EXOC4: variants seen among roughly 807,000 people sequenced by gnomAD.
EXOC4 encodes the protein exocyst complex component 4.
In EXOC4, 71 loss-of-function variants were observed where a neutral mutation model predicts 107.2. The ratio of observed to expected loss-of-function variants is 0.66; its 90% CI spans 0.55 to 0.81. EXOC4 has a LOEUF of 0.81. Among genes scored for constraint, EXOC4 ranks in the 30% least tolerant of loss-of-function variants. The probability of loss-of-function intolerance (pLI) is 0.00; values close to 1 mark genes in which losing one functional copy is unlikely to be tolerated. For synonymous variants in EXOC4, 456 were observed against 441.2 expected (o/e 1.03, Z -0.42); for missense variants, 1,108 against 1,189.6 (o/e 0.93, Z 1.01).
At chr7:133,887,002 T>G (rs538311634) in intron 11 of EXOC4, among the ~76,000 whole-genome samples, 28 of 152,310 alleles carry the variant, frequency 1.8e-4, no homozygotes, top group Non-Finnish European at 2.9e-4. Flanking sequence ...ACTGAATAGC[T>G]GGAAAATTGT....
At chr7:133,336,501 G>A (rs1584825414) in intron 5 of EXOC4, among the ~76,000 whole-genome samples, 2 of 152,230 alleles carry the variant, frequency 1.3e-5, no homozygotes, top group East Asian at 3.9e-4. Context: ...CTTCCCAACA[G>A]AATGTGTTTT....
chr7:133,938,096 G>T, intron 14 of EXOC4, 27 bp downstream of exon 14: 1 of 1,612,080 alleles, frequency 6.2e-7, no homozygotes, highest in Non-Finnish European at 8.5e-7. Flanking sequence ...AAGCTGTTGT[G>T]GGGACAGTTG....
At chr7:134,082,536 G>A in the EXOC4 span, among the ~76,000 whole-genome samples, 1 of 152,198 alleles carries the variant, frequency 6.6e-6, no homozygotes, top group Non-Finnish European at 1.5e-5. Flanking sequence ...CACCTCCCAG[G>A]TTCAAGCAAT....
chr7:133,415,362 C>A (rs912721315), intron 7 of EXOC4, among the ~76,000 whole-genome samples: 1 of 146,958 alleles, frequency 6.8e-6, no homozygotes, highest in Admixed American at 6.8e-5. Flanking sequence ...AAAGTGGCTG[C>A]ATGCTTTTAC....
chr7:133,646,722 C>A (rs1795083770), intron 10 of EXOC4, among the ~76,000 whole-genome samples: 1 of 152,090 alleles, frequency 6.6e-6, no homozygotes, highest in Non-Finnish European at 1.5e-5. Flanking sequence ...TTAGCAACAC[C>A]AGGCCTGGAG....
intron 10 of EXOC4, among the ~76,000 whole-genome samples, chr7:133,645,086 C>CTTTTTT (rs35058872): frequency 1.1e-4 from 14 of 123,970 alleles, no homozygotes; most frequent in African/African-American, 1.6e-4. Flanking sequence ...CTTCTGCCAC[C>CTTTTTT]TTTTTTTTTT....
chr7:133,780,650 C>T (rs1239735520), intron 10 of EXOC4, among the ~76,000 whole-genome samples: 1 of 152,048 alleles, frequency 6.6e-6, no homozygotes, highest in East Asian at 1.9e-4. Flanking sequence ...CATAAAGAAT[C>T]CCACATTGGG....
At chr7:133,478,572 T>G (rs1799075953) in intron 8 of EXOC4, among the ~76,000 whole-genome samples, 1 of 152,174 alleles carries the variant, frequency 6.6e-6, no homozygotes, top group Non-Finnish European at 1.5e-5. Flanking sequence ...GTCTGTGACT[T>G]GTTGCAGACA....
At chr7:133,514,483 A>G (rs1261671550) in intron 9 of EXOC4, among the ~76,000 whole-genome samples, 2 of 152,110 alleles carry the variant, frequency 1.3e-5, no homozygotes, top group African/African-American at 2.4e-5. Flanking sequence ...TATACTTAAA[A>G]CAAGTAACTT....
intron 10 of EXOC4, among the ~76,000 whole-genome samples, chr7:133,669,735 A>G (rs969743873): frequency 6.6e-6 from 1 of 152,210 alleles, no homozygotes; most frequent in Non-Finnish European, 1.5e-5. Context: ...GGGAAGCTAG[A>G]TGGGCTGAAA....
chr7:133,807,601 T>G (rs552782713), intron 10 of EXOC4, among the ~76,000 whole-genome samples: 16 of 151,914 alleles, frequency 1.1e-4, no homozygotes, highest in East Asian at 9.7e-4. Context: ...GAAAAAAAAA[T>G]AAAGAAAGAA....
intron 10 of EXOC4, among the ~76,000 whole-genome samples, chr7:133,683,936 T>C (rs1406454272): frequency 6.6e-6 from 1 of 152,198 alleles, no homozygotes; most frequent in Non-Finnish European, 1.5e-5. Flanking sequence ...TTTTCAAAAT[T>C]AAGCATAGCA....
chr7:133,597,575 A>AAAAAAAAAC (rs1801709252), intron 9 of EXOC4, among the ~76,000 whole-genome samples: 1 of 103,568 alleles, frequency 9.7e-6, no homozygotes, highest in African/African-American at 3.8e-5. Flanking sequence ...AAAAAAAAAA[A>AAAAAAAAAC]CCCAAAAAAA....
chr7:133,995,381 C>A lies in EXOC4; in HGVS notation c.2207-2111C>A, dbSNP rs149831149. Among the ~76,000 whole-genome samples, 301 of 152,244 alleles carry A rather than the reference C, an allele frequency of 2.0e-3. 1 individual carries two copies. Among genetic ancestry groups the A allele is most frequent in the Middle Eastern group, 0.01 (3 of 294 alleles). On this transcript the variant is annotated intron_variant, in intron 14 of 17. Coordinates refer to ENST00000253861, the MANE Select transcript of EXOC4 (RefSeq NM_021807.4). ...CAATTTCTGCCTCTTCTCATTGATA[C>A]GTAGATAACTCTCCATGCTACAGTC...
At chr7:133,862,713 A>G (rs529676608) in intron 11 of EXOC4, among the ~76,000 whole-genome samples, 14 of 152,326 alleles carry the variant, frequency 9.2e-5, no homozygotes, top group African/African-American at 3.4e-4. Flanking sequence ...AGATACATAT[A>G]TACTATATAC....
At chr7:133,290,894 T>C (rs1358367783) in intron 3 of EXOC4, 1 of 152,250 alleles carries the variant, frequency 6.6e-6, no homozygotes, top group Non-Finnish European at 1.5e-5. Context: ...ATGTCACCTG[T>C]GTGTTTTCTC....
intron 10 of EXOC4, among the ~76,000 whole-genome samples, chr7:133,702,456 A>G (rs1306962809): frequency 6.8e-6 from 1 of 147,230 alleles, no homozygotes; most frequent in African/African-American, 2.5e-5. Context: ...CTCTCACCTC[A>G]GCCTCTTGAG....
chr7:133,440,037 A>G lies in EXOC4; in HGVS notation c.1183-35291A>G, dbSNP rs183788426. Reference sequence around the variant, plus strand: ...ATATTCATTTAAAGGCATTAAAAAAATAAATTTAGTGATTACATTGAATAA... The same window carrying G: ...ATATTCATTTAAAGGCATTAAAAAAGTAAATTTAGTGATTACATTGAATAA... On this transcript the variant is annotated intron_variant, in intron 7 of 17. Transcript: ENST00000253861. 1.4e-3 allele frequency among the ~76,000 whole-genome samples: 220 copies of G among 152,330 alleles called. 2 individuals are homozygous for G. Among genetic ancestry groups the G allele is most frequent in the African/African-American group, 4.9e-3 (205 of 41,576 alleles).
intron 9 of EXOC4, among the ~76,000 whole-genome samples, chr7:133,517,551 C>A (rs1482471734): frequency 1.3e-5 from 2 of 152,054 alleles, no homozygotes; most frequent in East Asian, 3.9e-4. Flanking sequence ...ACAATCATGG[C>A]TGAAGGTGAA....
Sources: gnomAD v4.1 joint callset for allele counts (sites outside exome capture counted in the v4.1 genomes callset) on GRCh38, gnomAD v4.1.1 for gene constraint, MANE v1.5 for transcripts, NCBI Gene and HGNC (gene_info 2026-07-23, HGNC 2026-07-21) for gene names.